NIPBL: variants seen among roughly 807,000 people sequenced by gnomAD.
The protein encoded by NIPBL is nipped-B-like protein.
A neutral mutation model predicts 321.8 loss-of-function variants in NIPBL; 19 were observed. The ratio of observed to expected loss-of-function variants is 0.06; its 90% CI spans 0.04 to 0.09. The LOEUF is 0.09. Ranked by LOEUF, NIPBL falls within the 10% of genes least tolerant of loss-of-function variation. The pLI is 1.00. For synonymous variants in NIPBL, 1,106 were observed against 1,114.1 expected (o/e 0.99, Z 0.14); for missense variants, 2,210 against 3,327.0 (o/e 0.66, Z 8.26).
intron 16 of NIPBL, among the ~76,000 whole-genome samples, chr5:37,005,090 G>A (rs1359611417): frequency 6.6e-6 from 1 of 152,058 alleles, no homozygotes. Flanking sequence ...TTCTTTTTAC[G>A]CTCATCAGCT....
intron 4 of NIPBL, among the ~76,000 whole-genome samples, chr5:36,958,719 T>C (rs1741261290): frequency 6.6e-6 from 1 of 152,090 alleles, no homozygotes; most frequent in Non-Finnish European, 1.5e-5. Flanking sequence ...TATAAAATAA[T>C]AAAAATATTA....
At chr5:37,018,739 T>G (rs1749279887) in intron 24 of NIPBL, among the ~76,000 whole-genome samples, 1 of 152,224 alleles carries the variant, frequency 6.6e-6, no homozygotes, top group South Asian at 2.1e-4. Context: ...AGGAAATTCT[T>G]CCTACCTCTG....
At chr5:36,918,205 A>T (rs1030397915) in intron 1 of NIPBL, among the ~76,000 whole-genome samples, 3 of 152,124 alleles carry the variant, frequency 2.0e-5, no homozygotes, top group Admixed American at 6.5e-5. Context: ...TTCGTTGAGC[A>T]GTGGTATGTA....
At position 36,986,208 on chromosome 5, in the gene NIPBL, T is replaced by C; in HGVS notation, c.3028T>C (p.Leu1010=). ...TGTAGTTGTGCTACAAAAACTGTCT[T>C]TGGATGATGTTCAGAAACTTATTAA... ...KPVVVLQKLS[L]DDVQKLIKDR... Residue 1010 remains leucine, a synonymous_variant, in exon 10 of 47, where the codon TTG becomes CTG. Transcript: ENST00000282516. The C allele has an allele frequency of 6.2e-7, 1 of 1,602,872 alleles. No individual in the cohort carries two copies. Among genetic ancestry groups the C allele is most frequent in the Non-Finnish European group, 8.5e-7 (1 of 1,176,182 alleles).
At chr5:37,021,936 A>C in intron 27 of NIPBL, 115 bp from the exon 28 acceptor site, 1 of 804,768 alleles carries the variant, frequency 1.2e-6, no homozygotes, top group East Asian at 2.7e-5. Flanking sequence ...TCATTTATAT[A>C]CAGATTAAAG....
intron 1 of NIPBL, among the ~76,000 whole-genome samples, chr5:36,946,981 C>T (rs1739758857): frequency 6.6e-6 from 1 of 152,094 alleles, no homozygotes; most frequent in Admixed American, 6.6e-5. Flanking sequence ...CCTATTTCTG[C>T]TGCATGCTGC....
chr5:37,017,637 T>C (rs1185461945), intron 24 of NIPBL, among the ~76,000 whole-genome samples: 1 of 151,602 alleles, frequency 6.6e-6, no homozygotes, highest in Non-Finnish European at 1.5e-5. Flanking sequence ...GATGAAGTGG[T>C]AGTAATAAAG....
chr5:36,929,227 C>T lies in NIPBL; in HGVS notation c.-79-24391C>T, dbSNP rs552767570. ...ATGTGTCATGGTATCATTGTGGTTT[C>T]AGTGAGAATATACCTAATGACTAAT... On this transcript the variant is annotated intron_variant, in intron 1 of 46. Transcript: ENST00000282516. 3.9e-5 allele frequency among the ~76,000 whole-genome samples: 6 copies of T among 152,124 alleles called. No homozygotes were observed. The East Asian group carries it at 1.2e-3, about 29-fold the overall frequency.
intron 8 of NIPBL, among the ~76,000 whole-genome samples, chr5:36,974,871 A>G (rs1743268410): frequency 6.6e-6 from 1 of 152,102 alleles, no homozygotes; most frequent in Non-Finnish European, 1.5e-5. Flanking sequence ...AAGTTTTTAA[A>G]TATTTTATAG....
intron 45 of NIPBL, among the ~76,000 whole-genome samples, chr5:37,062,488 G>A (rs746621722): frequency 9.2e-5 from 14 of 151,940 alleles, no homozygotes; most frequent in Non-Finnish European, 2.1e-4. Context: ...ACCAAGGACC[G>A]GGGAAGGAAA....
At chr5:37,058,663 A>G (rs965153134) in intron 43 of NIPBL, among the ~76,000 whole-genome samples, 2 of 152,132 alleles carry the variant, frequency 1.3e-5, no homozygotes, top group South Asian at 2.1e-4. Context: ...ATATTTCAGA[A>G]GGATTTTTTT....
chr5:36,962,334 T>C, intron 6 of NIPBL, 60 bp downstream of exon 6: 1 of 1,582,860 alleles, frequency 6.3e-7, no homozygotes, highest in Non-Finnish European at 8.7e-7. Context: ...CCAAGCAAAT[T>C]TGTTTTTTAA....
intron 1 of NIPBL, among the ~76,000 whole-genome samples, chr5:36,916,230 T>G (rs184573430): frequency 7.2e-4 from 110 of 152,376 alleles, no homozygotes; most frequent in Non-Finnish European, 1.1e-3. Context: ...TGTAGGTGTT[T>G]GAGTTTGTTT....
At chr5:37,051,537 T>C in intron 40 of NIPBL, 1 of 540,416 alleles carries the variant, frequency 1.9e-6, no homozygotes, top group Non-Finnish European at 3.3e-6. Flanking sequence ...GAACCTAAAA[T>C]TTACAATGAA....
chr5:37,012,612 C>T (rs1748293774), intron 21 of NIPBL, among the ~76,000 whole-genome samples: 1 of 152,004 alleles, frequency 6.6e-6, no homozygotes, highest in Non-Finnish European at 1.5e-5. Flanking sequence ...TGCGGCCTTC[C>T]GGCCTTCCGC....
intron 44 of NIPBL, 48 bp from the exon 45 acceptor site, chr5:37,060,796 C>A (rs370892733): frequency 4.0e-6 from 6 of 1,511,526 alleles, no homozygotes; most frequent in Non-Finnish European, 5.5e-6. Context: ...TCTCCAAATA[C>A]GTTGTTTCCA....
chr5:36,953,894 G>GAA, intron 2 of NIPBL, 134 bp downstream of exon 2: 1 of 674,126 alleles, frequency 1.5e-6, no homozygotes, highest in South Asian at 1.8e-5. Context: ...GCCCTTTAAA[G>GAA]AAAAAAAAAA....
chr5:36,907,284 C>T (rs1747710264), intron 1 of NIPBL, among the ~76,000 whole-genome samples: 1 of 152,080 alleles, frequency 6.6e-6, no homozygotes, highest in South Asian at 2.1e-4. Flanking sequence ...CTGCTTTGTT[C>T]TTGGTCTTAT....
chr5:37,016,022 A>G lies in NIPBL; in HGVS notation c.4644-16A>G, dbSNP rs1156302790. On this transcript the variant is annotated splice_polypyrimidine_tract_variant and intron_variant, in intron 22 of 46. Transcript: ENST00000282516. ...CACCTAAATTGACATCCTTTTCATTATTTGCCTTTGAACAGATGTGGTAGT... is the reference window on the plus strand; with the variant it reads ...CACCTAAATTGACATCCTTTTCATTGTTTGCCTTTGAACAGATGTGGTAGT... 2 of 1,613,694 alleles carry G rather than the reference A, an allele frequency of 1.2e-6. No individual in the cohort carries two copies. Among genetic ancestry groups the G allele is most frequent in the Admixed American group, 1.7e-5 (1 of 60,016 alleles).
Sources: allele counts gnomAD v4.1 joint callset (sites outside exome capture counted in the v4.1 genomes callset), GRCh38; gene constraint gnomAD v4.1.1; transcripts MANE v1.5; gene names NCBI Gene and HGNC (gene_info 2026-07-23, HGNC 2026-07-21).